Variants in ABCA3 observed in about 807,000 individuals in gnomAD.
ABCA3 encodes ATP binding cassette subfamily A member 3.
A neutral mutation model predicts 172.8 loss-of-function variants in ABCA3; 88 were observed. The observed-to-expected ratio is 0.51, with a 90% CI of 0.43 to 0.61. The LOEUF (loss-of-function observed/expected upper bound fraction) is 0.61, where lower values mean the gene tolerates loss of function less well. Among genes scored for constraint, ABCA3 ranks in the 20% least tolerant of loss-of-function variants. ABCA3 has a pLI of 0.00. For synonymous variants in ABCA3, 1,066 were observed against 983.8 expected, an observed-to-expected ratio of 1.08 and a Z score of -1.56; for missense variants, 2,164 against 2,301.0, an observed-to-expected ratio of 0.94 and a Z score of 1.22.
intron 1 of ABCA3, among the ~76,000 whole-genome samples, chr16:2,337,422 G>A (rs981001310): frequency 2.0e-5 from 3 of 150,164 alleles, no homozygotes; most frequent in Admixed American, 1.3e-4. Flanking sequence ...CTAGGCTGGA[G>A]TATAGATAGT....
intron 1 of ABCA3, among the ~76,000 whole-genome samples, chr16:2,331,360 G>A (rs533631890): frequency 3.3e-5 from 5 of 152,158 alleles, no homozygotes; most frequent in Admixed American, 3.3e-4. Flanking sequence ...CACCACGCCC[G>A]GCTAATTCTT....
Position 2,278,619 on chromosome 16 carries a change from C to T in ABCA3, c.4548-161G>A, listed in dbSNP as rs761737234. 2.0e-5 allele frequency among the ~76,000 whole-genome samples: 3 copies of T among 152,234 alleles called. No individual in the cohort carries two copies. The highest frequency in any genetic ancestry group is 1.9e-4 in the East Asian group (1 of 5,200). Reference sequence around the variant, plus strand: ...CTGTGTGTGCACCTGGAAAGCCCACCGCATAGGGCTGGAGGCCCCAGAGAA... The same window carrying T: ...CTGTGTGTGCACCTGGAAAGCCCACTGCATAGGGCTGGAGGCCCCAGAGAA... On this transcript the variant is annotated intron_variant, in intron 29 of 32. Coordinates refer to ENST00000301732, the MANE Select transcript of ABCA3 (RefSeq NM_001089.3). This position sits in a 1 kb window ranked among gnomAD's most constrained non-coding sequence, Gnocchi z 4.4.
In ABCA3 at chr16:2,297,711, G is replaced by A. The variant is rs1392290660; in HGVS notation, c.2052+55C>T. On this transcript the variant is annotated intron_variant, in intron 16 of 32. Transcript: ENST00000301732. This position sits in a 1 kb window ranked among gnomAD's most constrained non-coding sequence, Gnocchi z 5.6. The stretch of plus-strand genomic sequence containing the variant: ...AAGGTGCCCGGGCCATGGCGGAAGG[G>A]CCATCCCAGGTCGAGCAGGAGGGGA... The A allele has an allele frequency of 3.1e-5, 49 of 1,602,732 alleles. No homozygotes were observed. The highest frequency in any genetic ancestry group is 4.0e-5 in the Non-Finnish European group (47 of 1,179,662).
At chr16:2,334,356 C>T (rs564577223) in intron 1 of ABCA3, among the ~76,000 whole-genome samples, 22 of 152,140 alleles carry the variant, frequency 1.4e-4, no homozygotes, top group African/African-American at 3.6e-4. Flanking sequence ...GAAGGGAGCT[C>T]GGGGTGTGTC....
chr16:2,289,979 AC>A (rs1416191641), intron 19 of ABCA3, among the ~76,000 whole-genome samples: 17 of 151,406 alleles, frequency 1.1e-4, no homozygotes, highest in African/African-American at 4.1e-4. Flanking sequence ...ACACACACAC[AC>A]ACACACACAC....
At position 2,278,793 on chromosome 16, in the gene ABCA3, T is replaced by G; in HGVS notation, c.4547+150A>C. 8.3e-7 allele frequency: 1 copy of G among 1,201,584 alleles called. No individual in the cohort carries two copies. Among genetic ancestry groups the G allele is most frequent in the African/African-American group, 1.5e-5 (1 of 67,064 alleles). The allele number at this position is 1,201,584 out of a possible 1,614,324, so 74.4% of individuals were successfully genotyped here. On this transcript the variant is annotated intron_variant, in intron 29 of 32. Transcript: ENST00000301732. The surrounding 1 kb of genome is among the most constrained non-coding windows in gnomAD (Gnocchi z 4.4). ...GGGCAGTCCCTTTCCTACGTGGAGC[T>G]ACCTGGGTCACACCACCACATCCCA...
intron 1 of ABCA3, chr16:2,332,840 T>C: frequency 1.7e-6 from 1 of 573,386 alleles, no homozygotes; most frequent in Non-Finnish European, 3.1e-6. Context: ...ACAGTCTTGC[T>C]TTGTCACCCA....
At chr16:2,294,280 C>T (rs2093676583) in intron 18 of ABCA3, among the ~76,000 whole-genome samples, 1 of 151,900 alleles carries the variant, frequency 6.6e-6, no homozygotes, top group Non-Finnish European at 1.5e-5. Context: ...CCCGCCTTGG[C>T]CTCCCAAAGT....
At position 2,292,204 on chromosome 16, in the gene ABCA3, G is replaced by T. The variant is rs777920154; in HGVS notation, c.2449C>A (p.Gln817Lys). The T allele has an allele frequency of 1.2e-6, 2 of 1,613,834 alleles. No individual in the cohort carries two copies. Among genetic ancestry groups the T allele is most frequent in the African/African-American group, 2.7e-5 (2 of 74,918 alleles). Reference protein sequence around the residue: ...EGLFAKLEKKQKELGIASFGA... With the variant: ...EGLFAKLEKKKKELGIASFGA... The stretch of plus-strand genomic sequence containing the variant: ...AAGCTGGCAATGCCCAGCTCTTTCT[G>T]CTTCTTCTCCAGTTTAGCAAAGAGA... Residue 817 changes from glutamine to lysine, a missense_variant, in exon 19 of 33, where the codon CAG becomes AAG. This residue lies in a region of ABCA3 where 1,343 missense variants were observed against 1,369.6 expected (regional missense o/e 0.98). Coordinates refer to ENST00000301732, the MANE Select transcript of ABCA3 (RefSeq NM_001089.3).
rs550158345 is a variant in ABCA3 at position 2,285,288 on chromosome 16, G to A, written c.3483+154C>T. 6.6e-6 allele frequency among the ~76,000 whole-genome samples: 1 copy of A among 152,352 alleles called. No individual in the cohort carries two copies. The highest frequency in any genetic ancestry group is 2.1e-4 in the South Asian group (1 of 4,834). On this transcript the variant is annotated intron_variant, in intron 23 of 32. Coordinates refer to ENST00000301732, the MANE Select transcript of ABCA3 (RefSeq NM_001089.3). This position sits in a 1 kb window ranked among gnomAD's most constrained non-coding sequence, Gnocchi z 4.7. ...GCTGAGGGTGCAGGGAGGAGGCGAG[G>A]GGGCAGCCGCCAGGGGATTCCAGCT...
In ABCA3 at chr16:2,281,021, A is replaced by G. The variant is rs1439057417; in HGVS notation, c.4359+6T>C. ...ACCCCTTCAGAGCCTCCCTGGCTGC[A>G]CCCACCTTTCCGACATCAGAGCTGA... On this transcript the variant is annotated splice_donor_region_variant and intron_variant, in intron 28 of 32. Transcript: ENST00000301732. This position sits in a 1 kb window ranked among gnomAD's most constrained non-coding sequence, Gnocchi z 4.7. 6.2e-7 allele frequency: 1 copy of G among 1,613,738 alleles called. No homozygotes were observed. The highest frequency in any genetic ancestry group is 8.5e-7 in the Non-Finnish European group (1 of 1,179,992).
At chr16:2,293,107 A>C (rs112502532) in intron 18 of ABCA3, among the ~76,000 whole-genome samples, 1,692 of 150,996 alleles carry the variant, frequency 0.011, 34 homozygotes, top group African/African-American at 0.039. Flanking sequence ...GCTGCAGTGC[A>C]GTGGCACAGT....
In ABCA3 at chr16:2,281,180, G is replaced by A. The variant is rs369224394; in HGVS notation, c.4206C>T (p.Leu1402=). ...QRVPLLAVDR[L]SLAVQKGECF... ...ACTCCCCTTTCTGCACCGCGAGGGA[G>A]AGCCTGTCCACGGCCAGGAGGGGCA... The change falls in exon 28 of 33, where the codon CTC becomes CTT. Residue 1402 remains leucine, a synonymous_variant. Transcript: ENST00000301732. The surrounding 1 kb of genome is among the most constrained non-coding windows in gnomAD (Gnocchi z 4.7). 6.2e-7 allele frequency: 1 copy of A among 1,613,700 alleles called. No individual in the cohort carries two copies. Among genetic ancestry groups the A allele is most frequent in the Non-Finnish European group, 8.5e-7 (1 of 1,180,012 alleles).
chr16:2,317,510 G>A (rs969033155), intron 9 of ABCA3, 107 bp from the exon 10 acceptor site: 11 of 1,581,662 alleles, frequency 7.0e-6, no homozygotes, highest in Middle Eastern at 1.7e-4. Flanking sequence ...AGAGGAGTGG[G>A]ACATTGACAG....
rs757202240 is a variant in ABCA3 at position 2,297,443 on chromosome 16, C to T, written c.2149G>A (p.Val717Met). Residue 717 changes from valine (V) to methionine (M), a missense_variant, in exon 17 of 33, where the codon GTG becomes ATG. By Grantham distance (21) the Val-to-Met change is conservative (BLOSUM62 1). This residue lies in a region of ABCA3 where 1,343 missense variants were observed against 1,369.6 expected (regional missense o/e 0.98). Coordinates refer to ENST00000301732, the MANE Select transcript of ABCA3 (RefSeq NM_001089.3). The surrounding 1 kb of genome is among the most constrained non-coding windows in gnomAD (Gnocchi z 5.6). ...LQRQKSDRTI[V>M]LTTHFMDEAD... ...TCGTCCATGAAGTGGGTGGTCAGCA[C>T]GATGGTGCGGTCACTTTTCTGCCGC... is the stretch of plus-strand genomic sequence containing the variant. The T allele has an allele frequency of 8.1e-5, 130 of 1,613,688 alleles. No homozygotes were observed. The highest frequency in any genetic ancestry group is 2.7e-4 in the East Asian group (12 of 44,876).
intron 1 of ABCA3, chr16:2,332,388 A>T (rs2093744718): frequency 9.5e-7 from 1 of 1,056,426 alleles, no homozygotes; most frequent in Admixed American, 1.7e-5. Context: ...GACGGGGATC[A>T]GCTACCAGCA....
At chr16:2,308,928 CCT>C (rs1330400827) in intron 10 of ABCA3, among the ~76,000 whole-genome samples, 3 of 152,288 alleles carry the variant, frequency 2.0e-5, no homozygotes, top group South Asian at 2.1e-4. Flanking sequence ...ATCCCAAACC[CCT>C]GATTCCCGCC....
rs569387036 is a variant in ABCA3, at chr16:2,295,638, C to G, written c.2366G>C (p.Ser789Thr). The G allele has an allele frequency of 4.3e-6, 7 of 1,614,056 alleles. No individual in the cohort carries two copies. In the South Asian group the frequency reaches 7.7e-5, roughly 18 times the overall value. ...HHVPNATLES[S>T]AGAELSFILP... ...GATGAAAGACAGCTCGGCCCCAGCGCTGCTCTCCAGCGTGGCGTTGGGCAC... is the reference window on the plus strand; with the variant it reads ...GATGAAAGACAGCTCGGCCCCAGCGGTGCTCTCCAGCGTGGCGTTGGGCAC... The change falls in exon 18 of 33, where the codon AGC becomes ACC. Residue 789 changes from serine (S) to threonine (T), a missense_variant. Around this residue, in one of 3 missense-constraint regions of ABCA3, gnomAD observed 1,343 missense variants for 1,369.6 expected, o/e 0.98. Coordinates refer to ENST00000301732, the MANE Select transcript of ABCA3 (RefSeq NM_001089.3).
chr16:2,335,911 G>A (rs751935075), intron 1 of ABCA3, among the ~76,000 whole-genome samples: 5 of 152,192 alleles, frequency 3.3e-5, no homozygotes, highest in African/African-American at 4.8e-5. Context: ...GTATTTCAAA[G>A]AGTCAGAGAA....
Sources: gnomAD v4.1 joint callset for allele counts (sites outside exome capture counted in the v4.1 genomes callset) on GRCh38, gnomAD v4.1.1 for gene constraint, gnomAD v4.1.1 regional missense constraint, Gnocchi (gnomAD v3.1) non-coding constraint, MANE v1.5 for transcripts, NCBI Gene and HGNC (gene_info 2026-07-23, HGNC 2026-07-21) for gene names.